The following MCPH1 variants were observed in gnomAD, a reference collection of about 807,000 sequenced individuals.
MCPH1 encodes microcephalin 1, also known as microcephalin.
A neutral mutation model predicts 84.5 loss-of-function variants in MCPH1; 104 were observed. The ratio of observed to expected loss-of-function variants is 1.23; its 90% CI spans 1.05 to 1.45. The LOEUF (loss-of-function observed/expected upper bound fraction) is 1.45, where lower values mean the gene tolerates loss of function less well. Ranked by LOEUF, MCPH1 falls within the 40% of genes most tolerant of loss-of-function variation. The pLI, the probability that MCPH1 is intolerant of heterozygous loss-of-function variation, is 0.00. For missense variants in MCPH1, 1,498 were observed against 1,005.7 expected (o/e 1.49, Z -6.62); for synonymous variants, 514 against 366.8 (o/e 1.40, Z -4.58).
At chr8:6,509,094 G>C (rs1814397871) in intron 12 of MCPH1, 3 of 1,604,614 alleles carry the variant, frequency 1.9e-6, no homozygotes, top group Non-Finnish European at 2.6e-6. Flanking sequence ...AAACACATTG[G>C]CTAGGGTCAT....
At chr8:6,488,140 C>G (rs1392776626) in intron 11 of MCPH1, among the ~76,000 whole-genome samples, 1 of 152,258 alleles carries the variant, frequency 6.6e-6, no homozygotes, top group Non-Finnish European at 1.5e-5. Context: ...TCTGCGGAGG[C>G]TCCTGCAGGC....
At chr8:6,513,581 C>G (rs1299322243) in intron 12 of MCPH1, 1 of 929,478 alleles carries the variant, frequency 1.1e-6, no homozygotes, top group Non-Finnish European at 1.6e-6. Flanking sequence ...GATCTGCCCA[C>G]CTCGGCCTCC....
chr8:6,457,343 G>C (rs890894320), intron 9 of MCPH1, among the ~76,000 whole-genome samples: 1 of 151,604 alleles, frequency 6.6e-6, no homozygotes, highest in Non-Finnish European at 1.5e-5. Context: ...CTATAATCCC[G>C]GTACTTTGGG....
Position 6,543,301 on chromosome 8 carries a change from C to T in MCPH1, c.2214+43372C>T, listed in dbSNP as rs563217464. Among the ~76,000 whole-genome samples, 11 of 152,262 alleles carry T rather than the reference C, an allele frequency of 7.2e-5. No individual in the cohort carries two copies. The East Asian group carries it at 1.4e-3, about 19-fold the overall frequency. Reference sequence around the variant, plus strand: ...GAAGATGCACTACTGACCCGCCGTCCGCAAATGTGTTTGTACAGTTACTTT... The same window carrying T: ...GAAGATGCACTACTGACCCGCCGTCTGCAAATGTGTTTGTACAGTTACTTT... On this transcript the variant is annotated intron_variant, in intron 12 of 13. Transcript: ENST00000344683.
chr8:6,571,999 G>A (rs545156463), intron 12 of MCPH1, among the ~76,000 whole-genome samples: 8 of 152,046 alleles, frequency 5.3e-5, no homozygotes, highest in South Asian at 2.1e-4. Flanking sequence ...TCTTAAAAAC[G>A]CTATTTCAAG....
At chr8:6,520,518 C>G (rs567372876) in intron 12 of MCPH1, among the ~76,000 whole-genome samples, 2 of 152,274 alleles carry the variant, frequency 1.3e-5, no homozygotes, top group East Asian at 1.9e-4. Flanking sequence ...ACCTCAGCCT[C>G]CCAAGCAGCT....
At chr8:6,420,934 G>A (rs1364413551) in intron 3 of MCPH1, among the ~76,000 whole-genome samples, 1 of 152,136 alleles carries the variant, frequency 6.6e-6, no homozygotes. Flanking sequence ...TATTTAAAAG[G>A]CGTCAGAACA....
intron 9 of MCPH1, among the ~76,000 whole-genome samples, chr8:6,463,679 G>T (rs1806530569): frequency 6.6e-6 from 1 of 152,130 alleles, no homozygotes; most frequent in Non-Finnish European, 1.5e-5. Flanking sequence ...AGAGCTGCAG[G>T]GACACAGATG....
chr8:6,487,337 G>A (rs1266419402), intron 11 of MCPH1, among the ~76,000 whole-genome samples: 3 of 152,140 alleles, frequency 2.0e-5, no homozygotes. Flanking sequence ...TTTTATCAGT[G>A]GTGAGCATAG....
chr8:6,622,441 T>C (rs2129580894), intron 13 of MCPH1, among the ~76,000 whole-genome samples: 1 of 152,336 alleles, frequency 6.6e-6, no homozygotes, highest in East Asian at 1.9e-4. Flanking sequence ...GGGCAGCGTC[T>C]GTGCTAGAAA....
At chr8:6,427,920 G>C (rs1322320830) in intron 3 of MCPH1, among the ~76,000 whole-genome samples, 1 of 151,766 alleles carries the variant, frequency 6.6e-6, no homozygotes, top group African/African-American at 2.4e-5. Flanking sequence ...AGCCTCCTGA[G>C]TAGCTGGAAT....
At chr8:6,409,994 G>T (rs771470909) in intron 2 of MCPH1, among the ~76,000 whole-genome samples, 2 of 151,026 alleles carry the variant, frequency 1.3e-5, no homozygotes, top group Non-Finnish European at 2.9e-5. Flanking sequence ...TTTTTGAGAC[G>T]GAGTCTCGCT....
At chr8:6,408,730 A>G (rs1471055292) in intron 1 of MCPH1, among the ~76,000 whole-genome samples, 1 of 150,934 alleles carries the variant, frequency 6.6e-6, no homozygotes, top group Non-Finnish European at 1.5e-5. Context: ...GGCTAATTAA[A>G]AACAAAATTT....
chr8:6,545,541 C>G (rs1005171760), intron 12 of MCPH1, among the ~76,000 whole-genome samples: 3 of 152,184 alleles, frequency 2.0e-5, no homozygotes, highest in Non-Finnish European at 4.4e-5. Context: ...TCTTAGAGAA[C>G]TGTGGATTAA....
intron 12 of MCPH1, among the ~76,000 whole-genome samples, chr8:6,549,987 T>A (rs1354991183): frequency 6.6e-6 from 1 of 152,152 alleles, no homozygotes; most frequent in Non-Finnish European, 1.5e-5. Context: ...AAGGTTGGGG[T>A]TGGCTTTGCC....
intron 12 of MCPH1, among the ~76,000 whole-genome samples, chr8:6,544,900 G>A (rs1010289499): frequency 4.0e-5 from 6 of 151,800 alleles, no homozygotes; most frequent in Non-Finnish European, 7.4e-5. Context: ...CAGATTCTTT[G>A]GTCAGTAGTC....
intron 11 of MCPH1, among the ~76,000 whole-genome samples, chr8:6,492,211 A>G (rs2129561265): frequency 6.6e-6 from 1 of 152,230 alleles, no homozygotes; most frequent in Middle Eastern, 3.4e-3. Context: ...TTTAATTTGC[A>G]TTTCTCTGAT....
chr8:6,449,833 C>T (rs1478233100), intron 8 of MCPH1, among the ~76,000 whole-genome samples: 1 of 152,150 alleles, frequency 6.6e-6, no homozygotes, highest in Non-Finnish European at 1.5e-5. Context: ...ACCCTTAGCA[C>T]TGCCAATCAC....
chr8:6,421,831 C>G (rs1028895182), intron 3 of MCPH1, among the ~76,000 whole-genome samples: 2 of 152,166 alleles, frequency 1.3e-5, no homozygotes, highest in East Asian at 3.9e-4. Context: ...GCTCCCCTCT[C>G]CCTTGTTTGC....
Sources: allele counts gnomAD v4.1 joint callset (sites outside exome capture counted in the v4.1 genomes callset), GRCh38; gene constraint gnomAD v4.1.1; transcripts MANE v1.5; gene names NCBI Gene and HGNC (gene_info 2026-07-23, HGNC 2026-07-21).